FBN3: variants seen among roughly 807,000 people sequenced by gnomAD.
The protein encoded by FBN3 is fibrillin 3.
Under a neutral mutation model 330.1 loss-of-function variants are expected in FBN3, and 234 were observed. The observed-to-expected ratio is 0.71, with a 90% CI of 0.64 to 0.79. The LOEUF is 0.79. Among genes scored for constraint, FBN3 ranks in the 30% least tolerant of loss-of-function variants. The pLI, the probability that FBN3 is intolerant of heterozygous loss-of-function variation, is 0.00. For synonymous variants in FBN3, 1,458 were observed against 1,517.3 expected (o/e 0.96, Z 0.91); for missense variants, 3,606 against 3,886.9 (o/e 0.93, Z 1.92).
At chr19:8,127,712 T>A (rs551246345) in intron 18 of FBN3, among the ~76,000 whole-genome samples, 2 of 152,342 alleles carry the variant, frequency 1.3e-5, no homozygotes, top group Admixed American at 6.5e-5. Context: ...GGCTGGGCGC[T>A]GTGGCTTACG....
chr19:8,095,299 C>T (rs2082185784), intron 46 of FBN3, 76 bp downstream of exon 46: 1 of 1,473,490 alleles, frequency 6.8e-7, no homozygotes, highest in Admixed American at 2.2e-5. Context: ...TCTATGCTCA[C>T]CCAGAAGTAC....
At chr19:8,079,827 T>C (rs1386838826) in intron 59 of FBN3, among the ~76,000 whole-genome samples, 9 of 152,156 alleles carry the variant, frequency 5.9e-5, no homozygotes, top group Non-Finnish European at 5.9e-5. Flanking sequence ...TGGCCTCAAG[T>C]GATCTGCCAG....
Position 8,144,899 on chromosome 19 carries a change from G to A in FBN3, c.519C>T (p.Phe173=). 2 of 1,611,432 alleles carry A rather than the reference G, an allele frequency of 1.2e-6. No individual in the cohort carries two copies. The highest frequency in any genetic ancestry group is 1.7e-6 in the Non-Finnish European group (2 of 1,179,278). ...TACCTCTCTCACATTGAGGTCCCAT[G>A]AAGCCATACACACAGGCGCAGCGGT... ...GPNRCACVYG[F]MGPQCERDYR... is the part of the protein sequence containing the mutation. Residue 173 remains phenylalanine, a synonymous_variant, in exon 6 of 64, where the codon TTC becomes TTT. Coordinates refer to ENST00000600128, the MANE Select transcript of FBN3 (RefSeq NM_032447.5).
chr19:8,068,736 TAAAAA>T (rs1053546707), intron 63 of FBN3, among the ~76,000 whole-genome samples: 1 of 151,298 alleles, frequency 6.6e-6, no homozygotes, highest in Non-Finnish European at 1.5e-5. Context: ...AATAAATCAA[TAAAAA>T]AATAAAGTGG....
Position 8,123,876 on chromosome 19 carries a change from G to T in FBN3, c.2864C>A (p.Pro955Gln). ...GGCGAACTCCAGAGACTCGGGATCC[G>T]GGCAGGCCTCGCACTCGACTCCCCA... Reference protein sequence around the residue: ...AVWGVECEACPDPESLEFASL... With the variant: ...AVWGVECEACQDPESLEFASL... Residue 955 changes from proline (P) to glutamine (Q), a missense_variant, in exon 23 of 64, where the codon CCG (proline) becomes CAG (glutamine). Coordinates refer to ENST00000600128, the MANE Select transcript of FBN3 (RefSeq NM_032447.5). The T allele has an allele frequency of 6.2e-7, 1 of 1,613,324 alleles. No individual in the cohort carries two copies.
At chr19:8,091,652 G>A (rs2082098345) in intron 47 of FBN3, 62 bp from the exon 48 acceptor site, 2 of 1,582,960 alleles carry the variant, frequency 1.3e-6, no homozygotes, top group East Asian at 4.5e-5. Context: ...GTGGGGAGAG[G>A]ACTCAGCTGT....
intron 38 of FBN3, 43 bp from the exon 39 acceptor site, chr19:8,103,730 C>G (rs2144775619): frequency 6.3e-7 from 1 of 1,594,632 alleles, no homozygotes; most frequent in Middle Eastern, 1.7e-4. Flanking sequence ...GGGCAGCGTC[C>G]AGGAATTGTC....
chr19:8,083,937 G>A (rs935288734), intron 56 of FBN3, among the ~76,000 whole-genome samples: 2 of 151,772 alleles, frequency 1.3e-5, no homozygotes, highest in African/African-American at 4.8e-5. Context: ...CAAGTAGCTG[G>A]GACTACAGGC....
At position 8,085,191 on chromosome 19, in the gene FBN3, G is replaced by A. The variant is rs1014097267; in HGVS notation, c.7087+172C>T. 3.4e-5 allele frequency among the ~76,000 whole-genome samples: 5 copies of A among 149,156 alleles called. No homozygotes were observed. The South Asian group carries it at 6.4e-4, about 19-fold the overall frequency. ...GTTCTTCCATGCATATGGTGCACAC[G>A]TACTGGTTCTCATATCTGCTAGCAC... On this transcript the variant is annotated intron_variant, in intron 56 of 63. Transcript: ENST00000600128.
Position 8,110,888 on chromosome 19 carries a change from G to A in FBN3, c.4290C>T (p.Cys1430=). The A allele has an allele frequency of 3.1e-6, 5 of 1,614,232 alleles. No individual in the cohort carries two copies. Among genetic ancestry groups the A allele is most frequent in the Non-Finnish European group, 3.4e-6 (4 of 1,180,046 alleles). Reference sequence around the variant, plus strand: ...CTCGGTCCAGTTCGTAGCCACCATTGCAGATGCAGCGGAACATTCCAGGCA... The same window carrying A: ...CTCGGTCCAGTTCGTAGCCACCATTACAGATGCAGCGGAACATTCCAGGCA... ...ENLPGMFRCI[C]NGGYELDRGG... The change falls in exon 34 of 64, where the codon TGC becomes TGT. Residue 1430 remains cysteine, a synonymous_variant. Coordinates refer to ENST00000600128, the MANE Select transcript of FBN3 (RefSeq NM_032447.5).
rs754319935 is a variant in FBN3, at chr19:8,126,373, G to A, written c.2555-26C>T. The A allele has an allele frequency of 2.5e-6, 4 of 1,585,120 alleles. No homozygotes were observed. The East Asian group carries it at 6.8e-5, about 27-fold the overall frequency. On this transcript the variant is annotated intron_variant, in intron 20 of 63. Transcript: ENST00000600128. Reference sequence around the variant, plus strand: ...CTGCAACTGGGAGAACAAGAGTGAAGAGAGGAGTCATTTTCTCATGCCAGC... The same window carrying A: ...CTGCAACTGGGAGAACAAGAGTGAAAAGAGGAGTCATTTTCTCATGCCAGC...
intron 8 of FBN3, among the ~76,000 whole-genome samples, chr19:8,140,958 C>G (rs555841399): frequency 2.0e-5 from 3 of 151,442 alleles, no homozygotes; most frequent in Admixed American, 2.0e-4. Flanking sequence ...TTTGGGAGGC[C>G]GAGGCGGGCG....
chr19:8,070,788 C>T (rs1211105089), intron 63 of FBN3, among the ~76,000 whole-genome samples: 4 of 151,922 alleles, frequency 2.6e-5, no homozygotes, highest in Admixed American at 6.6e-5. Flanking sequence ...TTTGGGAGGC[C>T]GAGCCGGGTG....
At position 8,132,979 on chromosome 19, in the gene FBN3, C is replaced by G; in HGVS notation, c.1714+5G>C. 6.5e-7 allele frequency: 1 copy of G among 1,550,010 alleles called. No homozygotes were observed. Among genetic ancestry groups the G allele is most frequent in the Non-Finnish European group, 8.7e-7 (1 of 1,151,168 alleles). Reference sequence around the variant, plus strand: ...CTCCGCTGGCCAGTCTGGCTCCAGGCTCACCCATGCAGTAGTGGCCGCCAG... The same window carrying G: ...CTCCGCTGGCCAGTCTGGCTCCAGGGTCACCCATGCAGTAGTGGCCGCCAG... On this transcript the variant is annotated splice_donor_5th_base_variant and intron_variant, in intron 14 of 63. Transcript: ENST00000600128.
intron 27 of FBN3, 38 bp downstream of exon 27, chr19:8,117,426 G>T: frequency 6.4e-7 from 1 of 1,557,232 alleles, no homozygotes; most frequent in Non-Finnish European, 8.7e-7. Flanking sequence ...TGGGACTGTG[G>T]TTGGTGCCCA....
Position 8,131,559 on chromosome 19 carries a change from T to A in FBN3, c.1985A>T (p.Asp662Val). 1 of 1,603,830 alleles carries A rather than the reference T, an allele frequency of 6.2e-7. No homozygotes were observed. The highest frequency in any genetic ancestry group is 2.2e-5 in the East Asian group (1 of 44,646). ...GEPCQLCPAK[D>V]SAEFQALCSS... ...CCGGGCAGCCGGATGCTCACCGGAG[T>A]CTTTGGCAGGACAAAGCTGGCAGGG... is the stretch of plus-strand genomic sequence containing the variant. Residue 662 changes from aspartate (D) to valine (V), a missense_variant, in exon 15 of 64, where the codon GAC (aspartate) becomes GTC (valine). Transcript: ENST00000600128. This position sits in a 1 kb window ranked among gnomAD's most constrained non-coding sequence, Gnocchi z 4.5.
chr19:8,091,424 C>A lies in FBN3; in HGVS notation c.6031+41G>T, dbSNP rs111450452. On this transcript the variant is annotated intron_variant, in intron 48 of 63. Coordinates refer to ENST00000600128, the MANE Select transcript of FBN3 (RefSeq NM_032447.5). ...TCTGGGCAATCTGACCCTTCCCCGC[C>A]CCACTTCCCACCCTCTTCCCTAAGC... The A allele has an allele frequency of 2.3e-3, 3,626 of 1,609,460 alleles. 57 individuals carry two copies. The African/African-American group carries it at 0.04, about 18-fold the overall frequency.
At chr19:8,069,776 G>A (rs939577241) in intron 63 of FBN3, among the ~76,000 whole-genome samples, 8 of 152,148 alleles carry the variant, frequency 5.3e-5, no homozygotes, top group African/African-American at 1.7e-4. Context: ...TGTAGGTGGA[G>A]GGGGTCTCAC....
At position 8,112,032 on chromosome 19, in the gene FBN3, C is replaced by T. The variant is rs747726219; in HGVS notation, c.3906G>A (p.Gly1302=). ...DSHASCLNIP[G]SFSCRCLPGW... ...CTGGCAGGCACCTACAGCTGAAACTCCCCGGGATGTTGAGACAGGAGGCGT... is the reference window on the plus strand; with the variant it reads ...CTGGCAGGCACCTACAGCTGAAACTTCCCGGGATGTTGAGACAGGAGGCGT... The change falls in exon 31 of 64, where the codon GGG becomes GGA. Residue 1302 remains glycine (G), a synonymous_variant. Coordinates refer to ENST00000600128, the MANE Select transcript of FBN3 (RefSeq NM_032447.5). 8.7e-6 allele frequency: 14 copies of T among 1,612,406 alleles called. No homozygotes were observed. In the Admixed American group the frequency reaches 1.7e-4, roughly 19 times the overall value.
Sources: gnomAD v4.1 joint callset for allele counts (sites outside exome capture counted in the v4.1 genomes callset) on GRCh38, gnomAD v4.1.1 for gene constraint, Gnocchi (gnomAD v3.1) non-coding constraint, MANE v1.5 for transcripts, NCBI Gene and HGNC (gene_info 2026-07-23, HGNC 2026-07-21) for gene names.